The following ZNF385D variants were observed in gnomAD, a reference collection of about 807,000 sequenced individuals.
The protein encoded by ZNF385D is zinc finger protein 385D.
ZNF385D carries 15 observed loss-of-function variants against 35.8 expected under a neutral mutation model. That is an observed-to-expected ratio of 0.42 (90% confidence interval 0.28 to 0.64). The LOEUF (loss-of-function observed/expected upper bound fraction) is 0.64. Ranked by LOEUF, ZNF385D falls within the 30% of genes least tolerant of loss-of-function variation. The pLI is 0.23. For synonymous variants in ZNF385D, 212 were observed against 186.8 expected (o/e 1.13, Z -1.10); for missense variants, 474 against 494.6 (o/e 0.96, Z 0.39).
intron 2 of ZNF385D, among the ~76,000 whole-genome samples, chr3:21,652,409 C>G (rs1178777878): frequency 3.3e-5 from 5 of 152,148 alleles, no homozygotes; most frequent in African/African-American, 7.2e-5. Flanking sequence ...AGTATTTATA[C>G]TGGCTGGATC....
rs1700728757 is a variant in ZNF385D at position 21,421,348 on chromosome 3, T to A, written c.1054A>T (p.Ser352Cys). Residue 352 changes from serine to cysteine, a missense_variant, in exon 8 of 8, where the codon AGT becomes TGT. Ser to Cys is a moderately radical substitution (Grantham distance 112). Coordinates refer to ENST00000281523, the MANE Select transcript of ZNF385D (RefSeq NM_024697.3). ...AAAAAAAVAV[S>C]SPFSLRTAPA... ...GCAGTTCGAAGACTGAAGGGGGAAC[T>A]CACTGCCACTGCTGCTGCGGCTGCT... The A allele has an allele frequency of 6.2e-7, 1 of 1,613,832 alleles. No homozygotes were observed.
At chr3:21,838,013 C>A (rs919964446) in intron 3 of ZNF385D, among the ~76,000 whole-genome samples, 2 of 152,028 alleles carry the variant, frequency 1.3e-5, no homozygotes, top group African/African-American at 4.8e-5. Context: ...GTTTGTGGAG[C>A]CTATGGGCCT....
chr3:21,953,612 A>AT (rs1429647934), intron 3 of ZNF385D, among the ~76,000 whole-genome samples: 7 of 151,980 alleles, frequency 4.6e-5, no homozygotes, highest in Non-Finnish European at 8.8e-5. Context: ...ATTAACTCAT[A>AT]TTTTTTACCT....
chr3:22,243,523 C>A (rs985560742), intron 2 of ZNF385D, among the ~76,000 whole-genome samples: 1 of 150,858 alleles, frequency 6.6e-6, no homozygotes, highest in African/African-American at 2.5e-5. Context: ...GAATAAGATG[C>A]TAAATACTGT....
intron 3 of ZNF385D, among the ~76,000 whole-genome samples, chr3:21,862,622 T>C (rs934450989): frequency 6.6e-6 from 1 of 152,128 alleles, no homozygotes; most frequent in African/African-American, 2.4e-5. Context: ...CATAAAGACG[T>C]ATGCTAAAGA....
intron 3 of ZNF385D, among the ~76,000 whole-genome samples, chr3:21,882,285 A>G (rs1370955373): frequency 6.6e-6 from 1 of 152,022 alleles, no homozygotes; most frequent in Non-Finnish European, 1.5e-5. Flanking sequence ...CTCAAACTTC[A>G]GCAACCACCA....
chr3:22,254,942 A>G (rs1393113816), intron 2 of ZNF385D, among the ~76,000 whole-genome samples: 1 of 151,866 alleles, frequency 6.6e-6, no homozygotes, highest in Non-Finnish European at 1.5e-5. Context: ...ATAGTATAGA[A>G]AAGCTGAACT....
chr3:21,439,954 T>C (rs1336306404), intron 4 of ZNF385D, among the ~76,000 whole-genome samples: 1 of 152,078 alleles, frequency 6.6e-6, no homozygotes, highest in African/African-American at 2.4e-5. Flanking sequence ...AAGCATGTAG[T>C]TAGTGTGAAA....
At chr3:22,078,689 C>T (rs1700589896) in intron 3 of ZNF385D, among the ~76,000 whole-genome samples, 1 of 152,036 alleles carries the variant, frequency 6.6e-6, no homozygotes, top group East Asian at 1.9e-4. Flanking sequence ...TTTCAAGATA[C>T]TTCTCAGGCA....
rs1363006878 is a variant in ZNF385D, at chr3:22,200,284, C to T, written c.107-31249G>A. On this transcript the variant is annotated intron_variant, in intron 2 of 5. Coordinates refer to the ZNF385D transcript ENST00000494108. ...TTTTCTATTTTCCCTAAGCATTGGCCGGTTTGAGAAGTAAAGGGACAGAGT... is the reference window on the plus strand; with the variant it reads ...TTTTCTATTTTCCCTAAGCATTGGCTGGTTTGAGAAGTAAAGGGACAGAGT... Among the ~76,000 whole-genome samples the T allele has an allele frequency of 5.9e-5, 9 of 152,004 alleles. No homozygotes were observed. In the East Asian group the frequency reaches 9.7e-4, roughly 16 times the overall value.
intron 3 of ZNF385D, among the ~76,000 whole-genome samples, chr3:21,825,960 G>A (rs1694588956): frequency 6.6e-6 from 1 of 152,154 alleles, no homozygotes; most frequent in Non-Finnish European, 1.5e-5. Flanking sequence ...CTGTGCATGC[G>A]AGGGATCTAG....
At chr3:22,284,531 T>A (rs761887303) in intron 2 of ZNF385D, among the ~76,000 whole-genome samples, 5 of 151,888 alleles carry the variant, frequency 3.3e-5, no homozygotes, top group Admixed American at 2.0e-4. Context: ...CTTTTATACA[T>A]CGTGCATCAA....
At chr3:21,882,908 G>A (rs1023863058) in intron 3 of ZNF385D, among the ~76,000 whole-genome samples, 7 of 152,040 alleles carry the variant, frequency 4.6e-5, no homozygotes, top group African/African-American at 1.7e-4. Context: ...AAGGTAAAAA[G>A]CAATTAAGAT....
intron 4 of ZNF385D, among the ~76,000 whole-genome samples, chr3:21,455,199 T>C (rs1327000153): frequency 6.6e-6 from 1 of 152,242 alleles, no homozygotes; most frequent in African/African-American, 2.4e-5. Flanking sequence ...CCCATCAAGC[T>C]ACAAATGACT....
At chr3:22,277,661 TAAC>T (rs1194601589) in intron 2 of ZNF385D, among the ~76,000 whole-genome samples, 6 of 152,216 alleles carry the variant, frequency 3.9e-5, no homozygotes, top group Non-Finnish European at 8.8e-5. Flanking sequence ...ATAAAAGTAT[TAAC>T]AAAGTTAGCA....
intron 3 of ZNF385D, among the ~76,000 whole-genome samples, chr3:21,895,790 G>C (rs1699105200): frequency 1.3e-5 from 2 of 152,096 alleles, no homozygotes; most frequent in African/African-American, 2.4e-5. Context: ...ATAAAAGAAA[G>C]TGAATAGTAG....
At chr3:21,490,137 T>C (rs1322459638) in intron 4 of ZNF385D, among the ~76,000 whole-genome samples, 1 of 152,134 alleles carries the variant, frequency 6.6e-6, no homozygotes, top group Non-Finnish European at 1.5e-5. Context: ...TTGTCCTGAC[T>C]CATCTCTTTT....
At chr3:21,957,497 G>C (rs1055882031) in intron 3 of ZNF385D, among the ~76,000 whole-genome samples, 1 of 152,122 alleles carries the variant, frequency 6.6e-6, no homozygotes, top group Non-Finnish European at 1.5e-5. Flanking sequence ...GGTGGTCTCA[G>C]ATGGCGATGA....
rs545598708 is a variant in ZNF385D at position 22,358,556 on chromosome 3, G to T, written c.106+13894C>A. 2.2e-4 allele frequency among the ~76,000 whole-genome samples: 33 copies of T among 151,796 alleles called. 1 individual carries two copies. The highest frequency in any genetic ancestry group is 7.0e-4 in the African/African-American group (29 of 41,492). On this transcript the variant is annotated intron_variant, in intron 2 of 5. Coordinates refer to the ZNF385D transcript ENST00000494108. ...ATGAAATGTTTAGGCAGCACCAGGA[G>T]GAAGTGCGGTCATAAAATAAGTGGG...
Sources: gnomAD v4.1 joint callset for allele counts (sites outside exome capture counted in the v4.1 genomes callset) on GRCh38, gnomAD v4.1.1 for gene constraint, MANE v1.5 for transcripts, NCBI Gene and HGNC (gene_info 2026-07-23, HGNC 2026-07-21) for gene names.